Variants in PARG observed in about 807,000 individuals in gnomAD.
PARG encodes the protein poly(ADP-ribose) glycohydrolase.
PARG carries 35 observed loss-of-function variants against 113.0 expected under a neutral mutation model. The ratio of observed to expected loss-of-function variants is 0.31; its 90% CI spans 0.24 to 0.41. The LOEUF is 0.41. Ranked by LOEUF, PARG falls within the 10% of genes least tolerant of loss-of-function variation. PARG has a pLI of 1.00. For synonymous variants in PARG, 330 were observed against 409.9 expected (o/e 0.81, Z 2.36); for missense variants, 797 against 1,169.4 (o/e 0.68, Z 4.64).
chr10:49,889,685 A>C (rs1211145682), intron 7 of PARG, among the ~76,000 whole-genome samples: 2 of 152,206 alleles, frequency 1.3e-5, no homozygotes, highest in Non-Finnish European at 2.9e-5. Context: ...ATTAAACCTT[A>C]AGTGTCTTAA....
intron 7 of PARG, chr10:49,909,484 A>G (rs1438120712): frequency 3.3e-5 from 5 of 152,364 alleles, no homozygotes; most frequent in Non-Finnish European, 2.9e-5. Context: ...CAGGTATAAT[A>G]ATACATGCCT....
intron 11 of PARG, among the ~76,000 whole-genome samples, chr10:49,865,034 T>G (rs1483229757): frequency 6.7e-6 from 1 of 150,112 alleles, no homozygotes; most frequent in Non-Finnish European, 1.5e-5. Flanking sequence ...CTTGTATTAG[T>G]GTCTTCACAT....
At chr10:49,885,316 T>C (rs782159129) in intron 7 of PARG, 21 bp from the exon 8 acceptor site, 5 of 1,406,504 alleles carry the variant, frequency 3.6e-6, no homozygotes, top group Non-Finnish European at 5.0e-6. Flanking sequence ...ATAAAATAAG[T>C]TATGTGAATA....
chr10:49,936,866 T>C (rs2132995786), intron 1 of PARG, among the ~76,000 whole-genome samples: 1 of 152,236 alleles, frequency 6.6e-6, no homozygotes, highest in South Asian at 2.1e-4. Flanking sequence ...ACCAGAAAAA[T>C]ATTCAATTGC....
intron 13 of PARG, among the ~76,000 whole-genome samples, chr10:49,844,295 CCATAAAATACCTAGGAGTAAA>C (rs1292596533): frequency 6.6e-6 from 1 of 151,932 alleles, no homozygotes; most frequent in Non-Finnish European, 1.5e-5. Context: ...ATGTCAAAAA[CCATAAAATACCTAGGAGTAAA>C]CATAACAACA....
Position 49,819,338 on chromosome 10 carries a change from C to A in PARG, c.*2G>T. On this transcript the variant is annotated 3_prime_UTR_variant, in exon 18 of 18. Transcript: ENST00000616448. ...GGGAGGAGATGCTATTCGCTCGGCT[C>A]CTCAGGTCCCTGTCCTTTGCCCTGA... The A allele has an allele frequency of 6.4e-7, 1 of 1,550,714 alleles. No homozygotes were observed. Among genetic ancestry groups the A allele is most frequent in the Non-Finnish European group, 8.7e-7 (1 of 1,146,554 alleles).
At chr10:49,843,973 C>T (rs1419121894) in intron 13 of PARG, among the ~76,000 whole-genome samples, 1 of 151,662 alleles carries the variant, frequency 6.6e-6, no homozygotes, top group Non-Finnish European at 1.5e-5. Flanking sequence ...GGTGAAACCC[C>T]ACCTCTGCTA....
chr10:49,832,821 C>T lies in PARG; in HGVS notation c.2629G>A (p.Gly877Ser). The T allele has an allele frequency of 6.5e-7, 1 of 1,545,056 alleles. No homozygotes were observed. The highest frequency in any genetic ancestry group is 8.8e-7 in the Non-Finnish European group (1 of 1,141,248). ...TGNWGCGAFG[G>S]DARLKALIQI... ...AACTTACCTTTTAACCTGGCATCAC[C>T]CCCAAAGGCACCACAGCCCCAGTTT... The change falls in exon 16 of 18, where the codon GGT becomes AGT. Residue 877 changes from glycine (G) to serine (S), a missense_variant. By Grantham distance (56) the Gly-to-Ser change is moderately conservative. Around this residue, in one of 5 missense-constraint regions of PARG, gnomAD observed 194 missense variants for 247.1 expected, o/e 0.79. Transcript: ENST00000616448.
chr10:49,924,474 G>A (rs1194923900), intron 4 of PARG, among the ~76,000 whole-genome samples: 1 of 151,030 alleles, frequency 6.6e-6, no homozygotes, highest in Non-Finnish European at 1.5e-5. Context: ...AGTGGCAACT[G>A]AGCTTAACTC....
At chr10:49,842,860 A>G (rs1215412910) in intron 14 of PARG, among the ~76,000 whole-genome samples, 1 of 152,226 alleles carries the variant, frequency 6.6e-6, no homozygotes, top group Non-Finnish European at 1.5e-5. Flanking sequence ...AAATAGCAAG[A>G]AAGCAGAGGA....
chr10:49,911,444 A>G (rs1837176588), intron 7 of PARG, among the ~76,000 whole-genome samples: 1 of 152,198 alleles, frequency 6.6e-6, no homozygotes, highest in Non-Finnish European at 1.5e-5. Context: ...GTTTGAATTT[A>G]ATTTTGTGAA....
Position 49,941,570 on chromosome 10 carries a change from C to T in PARG, c.156G>A (p.Pro52=). 2 of 1,561,452 alleles carry T rather than the reference C, an allele frequency of 1.3e-6. No homozygotes were observed. Among genetic ancestry groups the T allele is most frequent in the Non-Finnish European group, 1.7e-6 (2 of 1,153,390 alleles). The stretch of plus-strand genomic sequence containing the variant: ...GCCCTGGGACGCAGGCTGGCGAGGA[C>T]GGTGGGACCCTGAACTGCACGTGAG... The part of the protein sequence containing the change: ...KDAHVQFRVP[P]SSPACVPGRA... Residue 52 remains proline (P), a synonymous_variant, in exon 1 of 18, where the codon CCG becomes CCA. Coordinates refer to ENST00000616448, the MANE Select transcript of PARG (RefSeq NM_003631.5).
rs1343803772 is a variant in PARG, at chr10:49,922,345, T to C, written c.1653A>G (p.Gln551=). The C allele has an allele frequency of 3.1e-6, 5 of 1,601,074 alleles. No individual in the cohort carries two copies. ...GGTAAAAACAACATACCTTCAAGTT[T>C]TGGGGTCGTGTAAATTTGTTGAGAA... is the stretch of plus-strand genomic sequence containing the variant. The part of the protein sequence containing the change: ...TALLNKFTRP[Q]NLKDAILKYN... The change falls in exon 6 of 18, where the codon CAA becomes CAG. Residue 551 remains glutamine, a synonymous_variant. Coordinates refer to ENST00000616448, the MANE Select transcript of PARG (RefSeq NM_003631.5).
intron 6 of PARG, among the ~76,000 whole-genome samples, chr10:49,921,653 A>C (rs1382127438): frequency 6.6e-6 from 1 of 152,028 alleles, no homozygotes; most frequent in Non-Finnish European, 1.5e-5. Flanking sequence ...AAAGAAAATA[A>C]AACTCATTTT....
chr10:49,840,149 G>T (rs1216147505), intron 15 of PARG, among the ~76,000 whole-genome samples: 1 of 152,164 alleles, frequency 6.6e-6, no homozygotes, highest in Non-Finnish European at 1.5e-5. Flanking sequence ...AGCACTTTGG[G>T]AGGCCGACGG....
rs1838587993 is a variant in PARG, at chr10:49,933,462, T to C, written c.986A>G (p.Gln329Arg). ...DEETSPGFDE[Q>R]EDGSSSQTAN... ...TGTTTGGGAGGAACTACCATCTTCTTGTTCATCAAAACCTGGACTTGTCTC... is the reference window on the plus strand; with the variant it reads ...TGTTTGGGAGGAACTACCATCTTCTCGTTCATCAAAACCTGGACTTGTCTC... The change falls in exon 3 of 18, where the codon CAA becomes CGA. Residue 329 changes from glutamine to arginine, a missense_variant. Coordinates refer to ENST00000616448, the MANE Select transcript of PARG (RefSeq NM_003631.5). 1 of 1,612,100 alleles carries C rather than the reference T, an allele frequency of 6.2e-7. No homozygotes were observed. The highest frequency in any genetic ancestry group is 1.3e-5 in the African/African-American group (1 of 74,924).
intron 16 of PARG, among the ~76,000 whole-genome samples, chr10:49,824,868 C>G (rs1206845646): frequency 2.0e-5 from 3 of 152,098 alleles, no homozygotes; most frequent in African/African-American, 7.2e-5. Context: ...ACTGGGCCAC[C>G]AACTCAAGAA....
intron 16 of PARG, among the ~76,000 whole-genome samples, chr10:49,829,607 A>C (rs1293649519): frequency 6.6e-6 from 1 of 152,202 alleles, no homozygotes; most frequent in African/African-American, 2.4e-5. Flanking sequence ...CAGCCTAGGC[A>C]ACATAGTGAA....
chr10:49,892,800 C>T (rs550041143), intron 7 of PARG, among the ~76,000 whole-genome samples: 21 of 152,206 alleles, frequency 1.4e-4, no homozygotes, highest in South Asian at 1.0e-3. Flanking sequence ...CTAGAGTTCA[C>T]GCCAGGCACG....
Sources: allele counts gnomAD v4.1 joint callset (sites outside exome capture counted in the v4.1 genomes callset), GRCh38; gene constraint gnomAD v4.1.1; regional missense constraint gnomAD v4.1.1; transcripts MANE v1.5; gene names NCBI Gene and HGNC (gene_info 2026-07-23, HGNC 2026-07-21).